RIT2: variants seen among roughly 807,000 people sequenced by gnomAD.
The protein encoded by RIT2 is Ras like without CAAX 2, also known as GTP-binding protein Rit2.
Under a neutral mutation model 23.7 loss-of-function variants are expected in RIT2, and 24 were observed. That is an observed-to-expected ratio of 1.01 (90% CI 0.73 to 1.43). RIT2 has a LOEUF of 1.43. RIT2 is among the 40% of genes most tolerant of loss of function. The pLI is 0.00. For missense variants in RIT2, 236 were observed against 266.9 expected (o/e 0.88, Z 0.81); for synonymous variants, 107 against 91.1 (o/e 1.17, Z -0.99).
intron 4 of RIT2, among the ~76,000 whole-genome samples, chr18:42,899,249 G>A (rs1908412933): frequency 1.3e-5 from 2 of 150,640 alleles, no homozygotes; most frequent in African/African-American, 4.9e-5. Flanking sequence ...AATTAACCAA[G>A]GAAAGCACTC....
At chr18:42,851,575 G>A (rs1383056485) in intron 4 of RIT2, among the ~76,000 whole-genome samples, 1 of 152,164 alleles carries the variant, frequency 6.6e-6, no homozygotes, top group African/African-American at 2.4e-5. Context: ...GTAAAGGGCT[G>A]GGCGCATGGC....
chr18:43,038,542 C>G (rs570887883), intron 1 of RIT2, among the ~76,000 whole-genome samples: 14 of 151,842 alleles, frequency 9.2e-5, no homozygotes, highest in African/African-American at 3.4e-4. Flanking sequence ...GTGATTTGTC[C>G]CTTATTTCTC....
intron 4 of RIT2, among the ~76,000 whole-genome samples, chr18:42,883,975 C>T (rs1192695159): frequency 3.9e-5 from 6 of 152,112 alleles, no homozygotes; most frequent in African/African-American, 1.4e-4. Context: ...CCTTAAAAAG[C>T]TTAAAACATT....
In RIT2 at chr18:43,032,324, G is replaced by A. The variant is rs187334963; in HGVS notation, c.160+1487C>T. ...CTGCCCTGTTCAAGCTGTTAGACGT[G>A]AGAGGTTGATGAACAAGAGGCTGGT... On this transcript the variant is annotated intron_variant, in intron 2 of 4. Coordinates refer to ENST00000326695, the MANE Select transcript of RIT2 (RefSeq NM_002930.4). Among the ~76,000 whole-genome samples, 103 of 152,140 alleles carry A rather than the reference G, an allele frequency of 6.8e-4. 1 individual carries two copies. The highest frequency in any genetic ancestry group is 2.7e-3 in the Admixed American group (41 of 15,260).
intron 4 of RIT2, among the ~76,000 whole-genome samples, chr18:42,858,835 T>G (rs895106406): frequency 1.3e-5 from 2 of 152,234 alleles, no homozygotes; most frequent in African/African-American, 4.8e-5. Flanking sequence ...TATTGTTTCA[T>G]GTAGCATAAT....
At chr18:42,873,776 T>C (rs1196844071) in intron 4 of RIT2, among the ~76,000 whole-genome samples, 1 of 152,130 alleles carries the variant, frequency 6.6e-6, no homozygotes, top group African/African-American at 2.4e-5. Context: ...CTAAAATTCA[T>C]TTGTTTTCAG....
intron 4 of RIT2, among the ~76,000 whole-genome samples, chr18:42,768,346 G>A (rs935340236): frequency 2.1e-4 from 32 of 152,144 alleles, no homozygotes; most frequent in African/African-American, 7.0e-4. Flanking sequence ...GGGTGCCTGA[G>A]CCAGCCAACC....
intron 4 of RIT2, among the ~76,000 whole-genome samples, chr18:42,839,286 C>A (rs941138706): frequency 7.9e-5 from 12 of 151,654 alleles, no homozygotes; most frequent in African/African-American, 1.7e-4. Flanking sequence ...GAAGCAGAAT[C>A]AATAAACATT....
chr18:43,062,453 T>G (rs2144324441), intron 1 of RIT2, among the ~76,000 whole-genome samples: 1 of 152,238 alleles, frequency 6.6e-6, no homozygotes, highest in South Asian at 2.1e-4. Flanking sequence ...TGAAAAGATT[T>G]TGATGAGATT....
intron 1 of RIT2, among the ~76,000 whole-genome samples, chr18:43,046,349 A>G (rs1452391141): frequency 6.6e-6 from 1 of 152,226 alleles, no homozygotes; most frequent in Non-Finnish European, 1.5e-5. Context: ...TTAATTTTCA[A>G]CATATCACTT....
chr18:43,013,014 T>C (rs1291845635), intron 2 of RIT2, among the ~76,000 whole-genome samples: 1 of 151,810 alleles, frequency 6.6e-6, no homozygotes, highest in Non-Finnish European at 1.5e-5. Context: ...CACTAGCCCA[T>C]ATTATTTTGT....
At chr18:43,063,840 G>A (rs1912708927) in intron 1 of RIT2, among the ~76,000 whole-genome samples, 1 of 152,160 alleles carries the variant, frequency 6.6e-6, no homozygotes, top group South Asian at 2.1e-4. Context: ...GAATGATTAT[G>A]GAAATGTCTA....
chr18:43,031,406 C>G (rs939649598), intron 2 of RIT2, among the ~76,000 whole-genome samples: 1 of 151,688 alleles, frequency 6.6e-6, no homozygotes, highest in African/African-American at 2.4e-5. Context: ...TTTCTGAAAG[C>G]AAGAGATTCC....
At chr18:42,784,310 A>G (rs1913878002) in intron 4 of RIT2, among the ~76,000 whole-genome samples, 1 of 151,986 alleles carries the variant, frequency 6.6e-6, no homozygotes, top group Non-Finnish European at 1.5e-5. Flanking sequence ...GAAATGAAAG[A>G]TAAAGGCAAG....
At chr18:42,989,514 G>A (rs986478274) in intron 2 of RIT2, among the ~76,000 whole-genome samples, 5 of 152,128 alleles carry the variant, frequency 3.3e-5, no homozygotes, top group African/African-American at 4.8e-5. Context: ...TCATTTGAAT[G>A]TCTGCAAGCA....
At chr18:42,754,921 C>G (rs752126120) in intron 4 of RIT2, among the ~76,000 whole-genome samples, 60 of 152,198 alleles carry the variant, frequency 3.9e-4, no homozygotes, top group Admixed American at 4.6e-4. Flanking sequence ...TACAATTGTG[C>G]TACAGTGGGT....
At chr18:43,025,012 A>C (rs192385613) in intron 2 of RIT2, among the ~76,000 whole-genome samples, 368 of 152,132 alleles carry the variant, frequency 2.4e-3, no homozygotes, top group Non-Finnish European at 4.3e-3. Flanking sequence ...GTTCAAAACT[A>C]GTCTGGCCAA....
chr18:42,747,620 G>A (rs989767460), intron 4 of RIT2, among the ~76,000 whole-genome samples: 5 of 151,912 alleles, frequency 3.3e-5, no homozygotes, highest in African/African-American at 1.2e-4. Flanking sequence ...AAATCTGGAG[G>A]CATCACGTTA....
chr18:43,099,790 C>G (rs1016362599), intron 1 of RIT2, among the ~76,000 whole-genome samples: 1 of 152,064 alleles, frequency 6.6e-6, no homozygotes, highest in South Asian at 2.1e-4. Flanking sequence ...CAATTGATGG[C>G]AAAATCATTT....
Sources: allele counts gnomAD v4.1 joint callset (sites outside exome capture counted in the v4.1 genomes callset), GRCh38; gene constraint gnomAD v4.1.1; transcripts MANE v1.5; gene names NCBI Gene and HGNC (gene_info 2026-07-23, HGNC 2026-07-21).